BCAR1: variants seen among roughly 807,000 people sequenced by gnomAD.
BCAR1 encodes the protein BCAR1 scaffold protein, Cas family member.
Under a neutral mutation model 67.6 loss-of-function variants are expected in BCAR1, and 30 were observed. The observed-to-expected ratio is 0.44, with a 90% CI of 0.33 to 0.60. BCAR1 has a LOEUF of 0.60. Ranked by LOEUF, BCAR1 falls within the 20% of genes least tolerant of loss-of-function variation. The probability of loss-of-function intolerance (pLI) is 0.02; values close to 1 mark genes in which losing one functional copy is unlikely to be tolerated. For synonymous variants in BCAR1, 626 were observed against 556.7 expected, an observed-to-expected ratio of 1.12 and a Z score of -1.75; for missense variants, 1,313 against 1,222.3, an observed-to-expected ratio of 1.07 and a Z score of -1.11.
chr16:75,242,379 G>A, intron 2 of BCAR1, 91 bp downstream of exon 2: 2 of 1,320,044 alleles, frequency 1.5e-6, no homozygotes, highest in Non-Finnish European at 1.9e-6. Context: ...TGGAATGCCG[G>A]TGATTGAGGG....
intron 1 of BCAR1, among the ~76,000 whole-genome samples, chr16:75,259,850 T>TAA (rs144448216): frequency 0.013 from 937 of 73,358 alleles, 26 homozygotes; most frequent in Middle Eastern, 0.038. Context: ...AGACTCCATC[T>TAA]AAAAAAAAAA....
chr16:75,241,230 T>C (rs2077328658), intron 2 of BCAR1, among the ~76,000 whole-genome samples: 1 of 152,188 alleles, frequency 6.6e-6, no homozygotes, highest in Admixed American at 6.5e-5. Context: ...TGTGCGCATG[T>C]GTGGGCGTAT....
chr16:75,251,700 G>C (rs935594347), upstream of BCAR1: 3 of 990,458 alleles, frequency 3.0e-6, no homozygotes, highest in African/African-American at 5.2e-5. Flanking sequence ...GCGCCCATTG[G>C]CCGCCGCCGC....
At chr16:75,237,683 G>C (rs2077189639) in intron 2 of BCAR1, among the ~76,000 whole-genome samples, 1 of 152,204 alleles carries the variant, frequency 6.6e-6, no homozygotes, top group African/African-American at 2.4e-5. Flanking sequence ...TGAGGCCCTG[G>C]CTCTGGAGGG....
intron 1 of BCAR1, among the ~76,000 whole-genome samples, chr16:75,259,708 C>T (rs991344693): frequency 1.7e-4 from 25 of 151,382 alleles, no homozygotes; most frequent in African/African-American, 5.6e-4. Context: ...AAAAATTAGC[C>T]GGGCATGGTG....
At chr16:75,267,404 G>A (rs1227935156) in intron 1 of BCAR1, among the ~76,000 whole-genome samples, 2 of 133,200 alleles carry the variant, frequency 1.5e-5, no homozygotes, top group Admixed American at 7.2e-5. Flanking sequence ...CGGGGGGGGG[G>A]TGGGGGGCCT....
chr16:75,259,628 G>A (rs1484618696), intron 1 of BCAR1, among the ~76,000 whole-genome samples: 8 of 152,054 alleles, frequency 5.3e-5, no homozygotes, highest in East Asian at 1.9e-4. Context: ...GAAAGCGGGC[G>A]GATCACGAGG....
intron 1 of BCAR1, chr16:75,248,458 C>T (rs1280264299): frequency 7.4e-6 from 6 of 813,670 alleles, no homozygotes; most frequent in Admixed American, 4.5e-5. Flanking sequence ...ACTGGCCATC[C>T]GCACCCGGGA....
At chr16:75,250,657 C>A (rs2077651834) in intron 1 of BCAR1, 1 of 985,506 alleles carries the variant, frequency 1.0e-6, no homozygotes, top group East Asian at 1.1e-4. Context: ...TCCGCTTTCC[C>A]AACTCCCTCA....
chr16:75,264,720 A>G (rs1307700902), intron 1 of BCAR1: 1 of 1,147,536 alleles, frequency 8.7e-7, no homozygotes, highest in African/African-American at 1.6e-5. Context: ...TGGGATAGTT[A>G]ATGAAGAGGC....
rs748357855 is a variant in BCAR1, at chr16:75,237,066, C to T, written c.796-68G>A. On this transcript the variant is annotated intron_variant, in intron 3 of 6. Coordinates refer to ENST00000162330, the MANE Select transcript of BCAR1 (RefSeq NM_014567.5). The stretch of plus-strand genomic sequence containing the variant: ...TGGGGGAATAGGAAAGGTGGGAACC[C>T]CGCAGCACCGTCCCCAGGCCTGGCC... 18 of 1,529,380 alleles carry T rather than the reference C, an allele frequency of 1.2e-5. No homozygotes were observed. In the African/African-American group the frequency reaches 1.6e-4, roughly 14 times the overall value. 94.7% of individuals were successfully genotyped at this position (1,529,380 alleles called of 1,614,324 possible).
chr16:75,252,134 G>A, upstream of BCAR1: 2 of 1,461,728 alleles, frequency 1.4e-6, no homozygotes, highest in Non-Finnish European at 1.9e-6. Flanking sequence ...CCACAGCTCC[G>A]ACTGTAGACG....
intron 1 of BCAR1, among the ~76,000 whole-genome samples, chr16:75,261,250 G>A (rs2077902844): frequency 6.6e-6 from 1 of 152,204 alleles, no homozygotes; most frequent in African/African-American, 2.4e-5. Context: ...ACACACGCAG[G>A]GCTGCAGCAA....
In BCAR1 at chr16:75,235,306, G is replaced by A. The variant is rs1450978738; in HGVS notation, c.1593C>T (p.His531=). The A allele has an allele frequency of 1.2e-6, 2 of 1,605,260 alleles. No individual in the cohort carries two copies. Among genetic ancestry groups the A allele is most frequent in the African/African-American group, 1.3e-5 (1 of 74,902 alleles). Residue 531 remains histidine (H), a synonymous_variant, in exon 5 of 7, where the codon CAC becomes CAT. Transcript: ENST00000162330. ...FARSAVGNAA[H]TSDRALHAKL... is the part of the protein sequence containing the mutation. ...TGGCATGCAGGGCACGGTCAGATGTGTGGGCAGCATTGCCCACCGCGCTGC... is the reference window on the plus strand; with the variant it reads ...TGGCATGCAGGGCACGGTCAGATGTATGGGCAGCATTGCCCACCGCGCTGC...
intron 1 of BCAR1, among the ~76,000 whole-genome samples, chr16:75,260,414 G>A (rs2077878746): frequency 6.6e-6 from 1 of 151,796 alleles, no homozygotes; most frequent in African/African-American, 2.4e-5. Flanking sequence ...GGAGGCAGAC[G>A]GATGAGGTCA....
Position 75,242,910 on chromosome 16 carries a change from C to T in BCAR1, c.193G>A (p.Gly65Ser). ...CCTGCTGGCTTCTTATCATACATGC[C>T]CACCAAGATCTTGAGGCGGTTCCCA... ...VPGNRLKILV[G>S]MYDKKPAGPG... Residue 65 changes from glycine to serine, a missense_variant, in exon 2 of 7, where the codon GGC (glycine) becomes AGC (serine). Around this residue, in one of 2 missense-constraint regions of BCAR1, gnomAD observed 1,272 missense variants for 1,137.5 expected, o/e 1.12. Coordinates refer to ENST00000162330, the MANE Select transcript of BCAR1 (RefSeq NM_014567.5). 2.5e-6 allele frequency: 4 copies of T among 1,612,392 alleles called. No homozygotes were observed. The highest frequency in any genetic ancestry group is 2.5e-6 in the Non-Finnish European group (3 of 1,179,786).
upstream of BCAR1, among the ~76,000 whole-genome samples, chr16:75,256,517 G>A (rs921866169): frequency 8.6e-5 from 13 of 151,998 alleles, no homozygotes; most frequent in Non-Finnish European, 1.8e-4. Flanking sequence ...GCACGGATGG[G>A]GGGGGGTGGG....
At chr16:75,236,646 C>A in intron 4 of BCAR1, 1 of 733,744 alleles carries the variant, frequency 1.4e-6, no homozygotes, top group Non-Finnish European at 2.0e-6. Context: ...TTGCGGATAC[C>A]CTCTCAGGAG....
chr16:75,242,268 CT>C lies in BCAR1; in HGVS notation c.633+201del, dbSNP rs564341373. Among the ~76,000 whole-genome samples the C allele has an allele frequency of 3.9e-5, 6 of 152,334 alleles. No homozygotes were observed. In the East Asian group the frequency reaches 9.6e-4, roughly 24 times the overall value. On this transcript the variant is annotated intron_variant, in intron 2 of 6. Transcript: ENST00000162330. ...GGCTTGGCTGAGGCCAGCGGAGCATCTCCCCTCTGGGTCCATTCACATCCAT... is the reference window on the plus strand; with the variant it reads ...GGCTTGGCTGAGGCCAGCGGAGCATCCCCCTCTGGGTCCATTCACATCCAT...
Sources: gnomAD v4.1 joint callset for allele counts (sites outside exome capture counted in the v4.1 genomes callset) on GRCh38, gnomAD v4.1.1 for gene constraint, gnomAD v4.1.1 regional missense constraint, MANE v1.5 for transcripts, NCBI Gene and HGNC (gene_info 2026-07-23, HGNC 2026-07-21) for gene names.